Variants in AFF2 observed in about 807,000 individuals in gnomAD.
The protein encoded by AFF2 is AF4/FMR2 family member 2.
Under a neutral mutation model 76.9 loss-of-function variants are expected in AFF2, and 14 were observed. The ratio of observed to expected loss-of-function variants is 0.18; its 90% CI spans 0.12 to 0.28. The LOEUF (loss-of-function observed/expected upper bound fraction) is 0.28, where lower values mean the gene tolerates loss of function less well. AFF2 is among the 10% of genes least tolerant of loss of function. The pLI, the probability that AFF2 is intolerant of heterozygous loss-of-function variation, is 1.00. For missense variants in AFF2, 868 were observed against 1,001.1 expected (o/e 0.87, Z 1.79); for synonymous variants, 398 against 366.7 (o/e 1.09, Z -0.98).
chrX:148,709,216 T>TA (rs782464784), intron 3 of AFF2, among the ~76,000 whole-genome samples: 3 of 112,027 alleles, frequency 2.7e-5, no homozygotes, highest in African/African-American at 9.7e-5. Flanking sequence ...AATAAAATAC[T>TA]AAAAAAATTT....
chrX:148,506,270 C>T (rs1237817193), intron 1 of AFF2, among the ~76,000 whole-genome samples: 2 of 111,796 alleles, frequency 1.8e-5, no homozygotes, highest in Non-Finnish European at 3.8e-5. Flanking sequence ...ATGTGGAATG[C>T]TCTTCCACAT....
intron 3 of AFF2, among the ~76,000 whole-genome samples, chrX:148,669,549 CAA>C (rs1297706029): frequency 2.7e-5 from 3 of 111,558 alleles, no homozygotes; most frequent in Non-Finnish European, 3.8e-5. Flanking sequence ...TGGCAACAGA[CAA>C]GAGAAGAGAG....
intron 1 of AFF2, among the ~76,000 whole-genome samples, chrX:148,501,747 C>G (rs1213201948): frequency 8.8e-6 from 1 of 113,327 alleles, no homozygotes; most frequent in Non-Finnish European, 1.9e-5. Context: ...GACCTTGGTT[C>G]GAGGCCGACT....
intron 3 of AFF2, among the ~76,000 whole-genome samples, chrX:148,740,434 A>G (rs1461188426): frequency 3.6e-5 from 4 of 111,344 alleles, no homozygotes; most frequent in Admixed American, 1.9e-4. Flanking sequence ...TACTTGTTCA[A>G]TTCTATTGCT....
intron 9 of AFF2, among the ~76,000 whole-genome samples, chrX:148,940,329 T>TTGC (rs2071819211): frequency 8.9e-6 from 1 of 112,191 alleles, no homozygotes; most frequent in Non-Finnish European, 1.9e-5. Context: ...GCATTGTGAT[T>TTGC]TGCTGTTGAC....
chrX:148,670,575 C>G (rs1182868496), intron 3 of AFF2, among the ~76,000 whole-genome samples: 13 of 111,729 alleles, frequency 1.2e-4, no homozygotes, highest in Non-Finnish European at 1.9e-4. Flanking sequence ...TGTCACTTAT[C>G]TTGAATTTGT....
chrX:148,958,266 A>G, intron 11 of AFF2, 71 bp from the exon 12 acceptor site: 3 of 1,155,037 alleles, frequency 2.6e-6, no homozygotes, highest in East Asian at 6.1e-5. Context: ...GCTCATTTTT[A>G]GTGTATAAAA....
At chrX:148,923,517 CAA>C (rs1253299338) in intron 9 of AFF2, among the ~76,000 whole-genome samples, 1 of 110,195 alleles carries the variant, frequency 9.1e-6, no homozygotes, top group African/African-American at 3.3e-5. Context: ...CTACTGTTTG[CAA>C]AAATTTTGAA....
intron 7 of AFF2, among the ~76,000 whole-genome samples, chrX:148,874,354 C>T (rs1557277656): frequency 8.1e-5 from 9 of 111,240 alleles, no homozygotes; most frequent in Middle Eastern, 4.6e-3. Context: ...GTGCTCACGA[C>T]GAACTCTTTT....
chrX:148,870,877 C>T (rs1240313944), intron 7 of AFF2, among the ~76,000 whole-genome samples: 1 of 111,834 alleles, frequency 8.9e-6, no homozygotes, highest in African/African-American at 3.3e-5. Context: ...CCTTCATAAT[C>T]TCACAGGGAC....
chrX:148,895,570 AGT>A (rs60601698), intron 8 of AFF2, among the ~76,000 whole-genome samples: 5,556 of 95,211 alleles, frequency 0.058, 303 homozygotes, highest in African/African-American at 0.16. Flanking sequence ...TGAGTGAGTG[AGT>A]GTGTGTGTGT....
chrX:148,976,974 G>C lies in AFF2; in HGVS notation c.3405-959G>C, dbSNP rs782396677. On this transcript the variant is annotated intron_variant, in intron 16 of 20. Transcript: ENST00000370460. ...GAATGCTGAGGAGGCCGAGTCTCAG[G>C]GGGTGAGCCTGGGCTCCCCAGTGTT... Among the ~76,000 whole-genome samples the C allele has an allele frequency of 8.0e-5, 9 of 112,362 alleles. No homozygotes were observed. In the South Asian group the frequency reaches 2.6e-3, roughly 32 times the overall value.
intron 1 of AFF2, among the ~76,000 whole-genome samples, chrX:148,615,705 A>C (rs782725204): frequency 1.4e-4 from 16 of 111,653 alleles, no homozygotes. Flanking sequence ...TTTGTATATA[A>C]AATAGGTCCA....
chrX:148,756,358 T>C lies in AFF2; in HGVS notation c.1042-53518T>C, dbSNP rs1557266889. 3.6e-5 allele frequency among the ~76,000 whole-genome samples: 4 copies of C among 112,500 alleles called. No homozygotes were observed. In the East Asian group the frequency reaches 1.1e-3, roughly 31 times the overall value. On this transcript the variant is annotated intron_variant, in intron 3 of 20. Coordinates refer to ENST00000370460, the MANE Select transcript of AFF2 (RefSeq NM_002025.4). ...ATACAGTGAGCTTCTCTCCTTGTGC[T>C]GTGTACCTTGAACTGGGAATGATCT...
intron 1 of AFF2, among the ~76,000 whole-genome samples, chrX:148,576,335 A>G (rs2053287182): frequency 8.9e-6 from 1 of 111,881 alleles, no homozygotes; most frequent in Admixed American, 9.5e-5. Flanking sequence ...TATCAGAGGA[A>G]TGAGCAGAGT....
intron 16 of AFF2, among the ~76,000 whole-genome samples, chrX:148,974,625 A>C (rs1460836946): frequency 1.8e-5 from 2 of 111,982 alleles, no homozygotes; most frequent in African/African-American, 6.5e-5. Flanking sequence ...AGATAAAAAG[A>C]ACTATTTTTT....
chrX:148,900,079 G>A (rs782346302), intron 8 of AFF2, among the ~76,000 whole-genome samples: 224 of 110,496 alleles, frequency 2.0e-3, no homozygotes, highest in Non-Finnish European at 3.4e-3. Flanking sequence ...TAATCTCTGA[G>A]ACAGAATTAC....
intron 3 of AFF2, among the ~76,000 whole-genome samples, chrX:148,752,286 T>G (rs2055511408): frequency 8.9e-6 from 1 of 111,903 alleles, no homozygotes; most frequent in Non-Finnish European, 1.9e-5. Flanking sequence ...AATATGAACT[T>G]TGTTAGTCAT....
At chrX:148,717,140 G>A (rs1391148466) in intron 3 of AFF2, among the ~76,000 whole-genome samples, 3 of 111,729 alleles carry the variant, frequency 2.7e-5, no homozygotes, top group South Asian at 3.7e-4. Context: ...ATTCATAATA[G>A]CCCCAAAGTG....
Sources: gnomAD v4.1 joint callset for allele counts (sites outside exome capture counted in the v4.1 genomes callset) on GRCh38, gnomAD v4.1.1 for gene constraint, MANE v1.5 for transcripts, NCBI Gene and HGNC (gene_info 2026-07-23, HGNC 2026-07-21) for gene names.